TECR: variants seen among roughly 807,000 people sequenced by gnomAD.
The protein encoded by TECR is trans-2,3-enoyl-CoA reductase.
TECR carries 19 observed loss-of-function variants against 50.6 expected under a neutral mutation model. The ratio of observed to expected loss-of-function variants is 0.38; its 90% CI spans 0.26 to 0.55. The LOEUF (loss-of-function observed/expected upper bound fraction) is 0.55. Ranked by LOEUF, TECR falls within the 20% of genes least tolerant of loss-of-function variation. The probability of loss-of-function intolerance (pLI) is 0.79; values close to 1 mark genes in which losing one functional copy is unlikely to be tolerated. For missense variants in TECR, 313 were observed against 408.3 expected, an observed-to-expected ratio of 0.77 and a Z score of 2.01; for synonymous variants, 168 against 163.5, an observed-to-expected ratio of 1.03 and a Z score of -0.21.
At chr19:14,552,692 G>A (rs2073573700) in intron 1 of TECR, among the ~76,000 whole-genome samples, 1 of 151,960 alleles carries the variant, frequency 6.6e-6, no homozygotes, top group Non-Finnish European at 1.5e-5. Context: ...CCGCCACCAT[G>A]CCCGGCTAAC....
chr19:14,563,771 C>A lies in TECR; in HGVS notation c.164-29C>A. 1 of 1,612,436 alleles carries A rather than the reference C, an allele frequency of 6.2e-7. No individual in the cohort carries two copies. On this transcript the variant is annotated intron_variant, in intron 4 of 12. Coordinates refer to ENST00000215567, the MANE Select transcript of TECR (RefSeq NM_138501.6). This position sits in a 1 kb window ranked among gnomAD's most constrained non-coding sequence, Gnocchi z 5.3. Reference sequence around the variant, plus strand: ...TGGCAGTGGGAGAAGGCCCGGGTAGCCCCTGAGCCCTGGCCCGCCTCTCTG... The same window carrying A: ...TGGCAGTGGGAGAAGGCCCGGGTAGACCCTGAGCCCTGGCCCGCCTCTCTG...
At chr19:14,536,267 GTTT>G (rs201416657) in intron 1 of TECR, among the ~76,000 whole-genome samples, 45 of 138,030 alleles carry the variant, frequency 3.3e-4, no homozygotes, top group African/African-American at 6.7e-4. Flanking sequence ...TCTCGAGCTA[GTTT>G]TTTTTTTTTT....
At chr19:14,529,738 TG>T in intron 1 of TECR, 27 bp downstream of exon 1, 1 of 1,613,990 alleles carries the variant, frequency 6.2e-7, no homozygotes, top group East Asian at 2.2e-5. Context: ...AGGGGCCGTG[TG>T]GCCACTGCTG....
intron 1 of TECR, among the ~76,000 whole-genome samples, chr19:14,556,396 G>A (rs2073721856): frequency 8.2e-6 from 1 of 121,998 alleles, no homozygotes; most frequent in African/African-American, 3.3e-5. Context: ...CTGGGCGACA[G>A]CGAGACTCTC....
At position 14,564,058 on chromosome 19, in the gene TECR, A is replaced by G. The variant is rs1599501543; in HGVS notation, c.344A>G (p.His115Arg). 1.2e-6 allele frequency: 2 copies of G among 1,613,622 alleles called. No homozygotes were observed. The highest frequency in any genetic ancestry group is 8.5e-7 in the Non-Finnish European group (1 of 1,179,904). The change falls in exon 6 of 13, where the codon CAC (histidine) becomes CGC (arginine). Residue 115 changes from histidine (H) to arginine (R), a missense_variant. Physicochemically the swap from His to Arg is conservative, Grantham distance 29. Transcript: ENST00000215567. The stretch of plus-strand genomic sequence containing the variant: ...TTCCGAGTGCCCTTCATCTATGGCC[A>G]CAAATATGACTTTACGTCCAGTCGG... ...FYFRVPFIYG[H>R]KYDFTSSRHT...
At chr19:14,545,287 C>G in intron 1 of TECR, 2 of 447,868 alleles carry the variant, frequency 4.5e-6, no homozygotes, top group Admixed American at 4.8e-5. Flanking sequence ...TTCCCCAAAG[C>G]TCTGTGCTAC....
chr19:14,552,299 G>C (rs1256009440), intron 1 of TECR, among the ~76,000 whole-genome samples: 2 of 150,844 alleles, frequency 1.3e-5, no homozygotes, highest in African/African-American at 4.9e-5. Flanking sequence ...CTCCCAAACT[G>C]CTGGGATTAT....
chr19:14,564,570 G>T (rs996439910), intron 7 of TECR: 11 of 19,610 alleles, frequency 5.6e-4, no homozygotes, highest in Non-Finnish European at 9.3e-4. Flanking sequence ...GCAGAGCCCC[G>T]CCCCAGTTTC....
chr19:14,545,522 G>C (rs2073276384), intron 1 of TECR, among the ~76,000 whole-genome samples: 1 of 152,162 alleles, frequency 6.6e-6, no homozygotes, highest in Non-Finnish European at 1.5e-5. Context: ...GGGGGGGATA[G>C]CCTCTCTCAG....
chr19:14,529,305 G>C (rs2072518186), upstream of TECR: 12 of 393,730 alleles, frequency 3.0e-5, no homozygotes, highest in South Asian at 2.6e-4. Flanking sequence ...CCTAACCGTC[G>C]CTTACCTTGG....
At chr19:14,562,982 C>T (rs1235507853) in intron 2 of TECR, among the ~76,000 whole-genome samples, 1 of 152,014 alleles carries the variant, frequency 6.6e-6, no homozygotes, top group Admixed American at 6.6e-5. Flanking sequence ...GGGCTGGGGG[C>T]CTGCTGGCTG....
chr19:14,528,412 G>GT (rs1354868853), upstream of TECR, among the ~76,000 whole-genome samples: 3 of 151,530 alleles, frequency 2.0e-5, no homozygotes, highest in Non-Finnish European at 4.4e-5. Flanking sequence ...GCTAATTTTT[G>GT]TATTTTTAGT....
chr19:14,534,617 G>C (rs1184913174), intron 1 of TECR, among the ~76,000 whole-genome samples: 2 of 151,872 alleles, frequency 1.3e-5, no homozygotes, highest in African/African-American at 4.8e-5. Context: ...TGTAGTTTTA[G>C]TAGAGATGGG....
chr19:14,565,445 G>A (rs1248717258), intron 11 of TECR, among the ~76,000 whole-genome samples, 155 bp downstream of exon 11: 1 of 152,204 alleles, frequency 6.6e-6, no homozygotes, highest in East Asian at 1.9e-4. Context: ...CTGTGGTGGC[G>A]GGGAGGCGTG....
intron 1 of TECR, among the ~76,000 whole-genome samples, chr19:14,558,425 G>A (rs1032430201): frequency 6.6e-6 from 1 of 152,190 alleles, no homozygotes; most frequent in Admixed American, 6.5e-5. Context: ...TGCAGGGTGC[G>A]CTTCACGCCG....
In TECR at chr19:14,562,583, T is replaced by A. The variant is rs1226332866; in HGVS notation, c.66+8T>A. 1 of 1,614,060 alleles carries A rather than the reference T, an allele frequency of 6.2e-7. No individual in the cohort carries two copies. Among genetic ancestry groups the A allele is most frequent in the Non-Finnish European group, 8.5e-7 (1 of 1,180,022 alleles). ...CTGTGTTTCTTGGACAAGGTAGGACTGGGGCGTGGGCTGCACTGGGCCAAG... is the reference window on the plus strand; with the variant it reads ...CTGTGTTTCTTGGACAAGGTAGGACAGGGGCGTGGGCTGCACTGGGCCAAG... On this transcript the variant is annotated splice_region_variant and intron_variant, in intron 2 of 12. Coordinates refer to ENST00000215567, the MANE Select transcript of TECR (RefSeq NM_138501.6).
chr19:14,535,355 A>G (rs1390218306), intron 1 of TECR, among the ~76,000 whole-genome samples: 1 of 150,084 alleles, frequency 6.7e-6, no homozygotes, highest in African/African-American at 2.5e-5. Flanking sequence ...AAAAATAGAA[A>G]AAGTTAGCTG....
At chr19:14,555,490 G>C (rs2073690945) in intron 1 of TECR, among the ~76,000 whole-genome samples, 1 of 140,166 alleles carries the variant, frequency 7.1e-6, no homozygotes, top group Non-Finnish European at 1.5e-5. Context: ...CTATTGCCCA[G>C]GCTGGAGTGC....
chr19:14,564,396 G>C, intron 7 of TECR, 109 bp downstream of exon 7: 1 of 822,220 alleles, frequency 1.2e-6, no homozygotes, highest in Non-Finnish European at 1.9e-6. Flanking sequence ...CTACGCCCCA[G>C]CAGAGCCCTA....
Sources: gnomAD v4.1 joint callset for allele counts (sites outside exome capture counted in the v4.1 genomes callset) on GRCh38, gnomAD v4.1.1 for gene constraint, Gnocchi (gnomAD v3.1) non-coding constraint, MANE v1.5 for transcripts, NCBI Gene and HGNC (gene_info 2026-07-23, HGNC 2026-07-21) for gene names.